PDGFD: variants seen among roughly 807,000 people sequenced by gnomAD.
PDGFD encodes platelet derived growth factor D.
Under a neutral mutation model 44.7 loss-of-function variants are expected in PDGFD, and 30 were observed. That is an observed-to-expected ratio of 0.67 (90% confidence interval 0.50 to 0.91). PDGFD has a LOEUF of 0.91. Among genes scored for constraint, PDGFD ranks in the 40% least tolerant of loss-of-function variants. The pLI is 0.00. For synonymous variants in PDGFD, 173 were observed against 168.4 expected, an observed-to-expected ratio of 1.03 and a Z score of -0.21; for missense variants, 445 against 457.8, an observed-to-expected ratio of 0.97 and a Z score of 0.25.
intron 1 of PDGFD, among the ~76,000 whole-genome samples, chr11:104,008,496 A>T (rs922016317): frequency 6.6e-6 from 1 of 152,182 alleles, no homozygotes; most frequent in Non-Finnish European, 1.5e-5. Context: ...TTTCAACTAG[A>T]AAAGTGTCCC....
intron 1 of PDGFD, among the ~76,000 whole-genome samples, chr11:104,096,600 T>C (rs7951754): frequency 0.061 from 9,345 of 152,262 alleles, 339 homozygotes; most frequent in African/African-American, 0.1. Context: ...TCATTCATTA[T>C]GTAGTATACA....
rs1472632596 is a variant in PDGFD, at chr11:104,119,090, TG to T, written c.124+44713del. On this transcript the variant is annotated intron_variant, in intron 1 of 6. Transcript: ENST00000393158. ...TATATTGGTATAATATATAATATAT[TG>T]ATATAATATATAATATATTAATATA... Among the ~76,000 whole-genome samples the T allele has an allele frequency of 3.7e-3, 20 of 5,438 alleles. 4 individuals are homozygous for T. The highest frequency in any genetic ancestry group is 8.5e-3 in the African/African-American group (14 of 1,654). 3.6% of individuals were successfully genotyped at this position (5,438 alleles called of 152,430 possible).
chr11:104,035,561 C>CTTTTTTTTTTTTTT (rs3050598), intron 1 of PDGFD, among the ~76,000 whole-genome samples: 1 of 115,282 alleles, frequency 8.7e-6, no homozygotes, highest in Non-Finnish European at 1.7e-5. Flanking sequence ...ACTTCTTTTT[C>CTTTTTTTTTTTTTT]TTTTTTTTTT....
chr11:104,050,110 G>A (rs361312), intron 1 of PDGFD, among the ~76,000 whole-genome samples: 1 of 151,894 alleles, frequency 6.6e-6, no homozygotes, highest in Non-Finnish European at 1.5e-5. Flanking sequence ...GGGAGGGAGA[G>A]TCTGAAAAAG....
At chr11:103,975,816 G>GT (rs1476198423) in intron 3 of PDGFD, among the ~76,000 whole-genome samples, 1 of 151,902 alleles carries the variant, frequency 6.6e-6, no homozygotes, top group Non-Finnish European at 1.5e-5. Flanking sequence ...GAGGTGTGGT[G>GT]TTTTTTCTGG....
At chr11:104,015,082 G>C (rs569377822) in intron 1 of PDGFD, among the ~76,000 whole-genome samples, 1 of 152,266 alleles carries the variant, frequency 6.6e-6, no homozygotes, top group South Asian at 2.1e-4. Flanking sequence ...GTCATTTGAA[G>C]GCTTCAAAGA....
chr11:104,075,605 T>C (rs1290571180), intron 1 of PDGFD, among the ~76,000 whole-genome samples: 1 of 141,884 alleles, frequency 7.0e-6, no homozygotes, highest in Non-Finnish European at 1.6e-5. Context: ...GCAATCCTCC[T>C]ACCTCAACCC....
chr11:104,124,872 T>C (rs1316826307), intron 1 of PDGFD, among the ~76,000 whole-genome samples: 1 of 152,102 alleles, frequency 6.6e-6, no homozygotes, highest in Non-Finnish European at 1.5e-5. Flanking sequence ...TTTGTGACTA[T>C]TCAAGAAGAA....
chr11:104,044,509 A>G (rs965926254), intron 1 of PDGFD, among the ~76,000 whole-genome samples: 6 of 152,226 alleles, frequency 3.9e-5, no homozygotes, highest in African/African-American at 7.2e-5. Flanking sequence ...TCATATATGG[A>G]CAGTAAGAAT....
At chr11:104,100,187 C>T (rs565876494) in intron 1 of PDGFD, among the ~76,000 whole-genome samples, 1 of 152,132 alleles carries the variant, frequency 6.6e-6, no homozygotes, top group South Asian at 2.1e-4. Flanking sequence ...GGTCATTGAA[C>T]CTTTGCCAGA....
intron 1 of PDGFD, among the ~76,000 whole-genome samples, chr11:104,133,968 C>T (rs551902453): frequency 6.6e-6 from 1 of 152,272 alleles, no homozygotes; most frequent in East Asian, 1.9e-4. Flanking sequence ...GATATGGACC[C>T]ATGTCAAGAC....
intron 3 of PDGFD, among the ~76,000 whole-genome samples, chr11:103,973,427 G>T (rs72986855): frequency 9.9e-5 from 15 of 152,002 alleles, no homozygotes; most frequent in Non-Finnish European, 2.1e-4. Context: ...GAATACAGGC[G>T]TGAGAAAAGT....
intron 3 of PDGFD, among the ~76,000 whole-genome samples, chr11:103,980,037 T>C (rs1859243721): frequency 6.6e-6 from 1 of 152,260 alleles, no homozygotes; most frequent in East Asian, 1.9e-4. Context: ...ATTTTTTAAC[T>C]AATTAAAATC....
In PDGFD at chr11:104,057,344, G is replaced by GA. The variant is rs1406387526; in HGVS notation, c.125-57090dup. Among the ~76,000 whole-genome samples, 4 of 152,124 alleles carry GA rather than the reference G, an allele frequency of 2.6e-5. No homozygotes were observed. The South Asian group carries it at 6.2e-4, about 24-fold the overall frequency. On this transcript the variant is annotated intron_variant, in intron 1 of 6. Transcript: ENST00000393158. ...AAACCCAGCAGGACTTTTTGGTTTT[G>GA]AAAAAATCCACAGTCTGATATCATA...
chr11:104,086,328 T>C (rs117132232), intron 1 of PDGFD, among the ~76,000 whole-genome samples: 1 of 152,306 alleles, frequency 6.6e-6, no homozygotes, highest in Non-Finnish European at 1.5e-5. Flanking sequence ...AGGAACAGCA[T>C]GTTTTAGGAT....
chr11:103,968,697 T>G (rs747260077), intron 3 of PDGFD, among the ~76,000 whole-genome samples: 1 of 152,204 alleles, frequency 6.6e-6, no homozygotes, highest in Non-Finnish European at 1.5e-5. Context: ...CTTGCAGAGC[T>G]GTAGTCGCCT....
At position 103,965,457 on chromosome 11, in the gene PDGFD, TTTAAAGTA is replaced by T. The variant is rs1859003941; in HGVS notation, c.511-17741_511-17734del. ...TTATTTTCAGCTGCCAAAGCTCTAT[TTTAAAGTA>T]AATCCAGCAGCTGTAAAAATTCCCC... is the stretch of plus-strand genomic sequence containing the variant. On this transcript the variant is annotated intron_variant, in intron 3 of 6. Transcript: ENST00000393158. Among the ~76,000 whole-genome samples, 3 of 152,308 alleles carry T rather than the reference TTTAAAGTA, an allele frequency of 2.0e-5. 1 individual carries two copies. The highest frequency in any genetic ancestry group is 7.2e-5 in the African/African-American group (3 of 41,582).
rs1857970365 is a variant in PDGFD at position 103,908,337 on chromosome 11, C to T, written c.*1357G>A. 1 of 152,118 alleles carries T rather than the reference C, an allele frequency of 6.6e-6. No individual in the cohort carries two copies. Among genetic ancestry groups the T allele is most frequent in the Non-Finnish European group, 1.5e-5 (1 of 68,030 alleles). The allele number at this position is 152,118 out of a possible 1,614,324, so 9.4% of individuals were successfully genotyped here. A position where few individuals can be genotyped will look rare whatever the true frequency, so the allele number is the denominator to read the frequency against. On this transcript the variant is annotated 3_prime_UTR_variant, in exon 7 of 7. Transcript: ENST00000393158. ...AAAAAATTACTCTAAATACCATTAA[C>T]CAATGTAAAACAGTTTTCTATTAAA...
intron 3 of PDGFD, among the ~76,000 whole-genome samples, chr11:103,984,763 G>A (rs1859327298): frequency 6.8e-6 from 1 of 146,064 alleles, no homozygotes; most frequent in Non-Finnish European, 1.5e-5. Context: ...ATGTGGCTGA[G>A]GTGCTAAAAA....
Sources: gnomAD v4.1 joint callset for allele counts (sites outside exome capture counted in the v4.1 genomes callset) on GRCh38, gnomAD v4.1.1 for gene constraint, MANE v1.5 for transcripts, NCBI Gene and HGNC (gene_info 2026-07-23, HGNC 2026-07-21) for gene names.